CYSTM1: variants seen among roughly 807,000 people sequenced by gnomAD.
CYSTM1 encodes cysteine rich transmembrane module containing 1.
CYSTM1 carries 4 observed loss-of-function variants against 13.1 expected under a neutral mutation model. The observed-to-expected ratio is 0.31, with a 90% CI of 0.15 to 0.70. The LOEUF (loss-of-function observed/expected upper bound fraction) is 0.70, where lower values mean the gene tolerates loss of function less well. Ranked by LOEUF, CYSTM1 falls within the 30% of genes least tolerant of loss-of-function variation. CYSTM1 has a pLI of 0.72. For synonymous variants in CYSTM1, 36 were observed against 42.7 expected (o/e 0.84, Z 0.62); for missense variants, 96 against 121.6 (o/e 0.79, Z 0.99).
At chr5:140,198,682 C>T (rs927624184) in intron 2 of CYSTM1, among the ~76,000 whole-genome samples, 2 of 152,178 alleles carry the variant, frequency 1.3e-5, no homozygotes, top group Non-Finnish European at 2.9e-5. Flanking sequence ...TTCCTCCTCC[C>T]CCTCTTTTTT....
At chr5:140,196,386 A>G (rs945148829) in intron 2 of CYSTM1, among the ~76,000 whole-genome samples, 18 of 152,268 alleles carry the variant, frequency 1.2e-4, no homozygotes, top group African/African-American at 3.6e-4. Context: ...ATCAAAAGTA[A>G]TAACAGAATT....
chr5:140,198,603 C>G (rs2126658927), intron 2 of CYSTM1, among the ~76,000 whole-genome samples: 1 of 152,332 alleles, frequency 6.6e-6, no homozygotes, highest in East Asian at 1.9e-4. Context: ...ATCACTTACC[C>G]CTTATTCCAG....
chr5:140,181,640 G>T (rs2126652490), intron 1 of CYSTM1, among the ~76,000 whole-genome samples: 1 of 152,278 alleles, frequency 6.6e-6, no homozygotes, highest in African/African-American at 2.4e-5. Context: ...ATATCACTGT[G>T]CCTGGTTAAT....
intron 2 of CYSTM1, among the ~76,000 whole-genome samples, chr5:140,236,778 G>T (rs1219816435): frequency 2.0e-5 from 3 of 152,190 alleles, no homozygotes; most frequent in Non-Finnish European, 4.4e-5. Flanking sequence ...CAACTCCCAA[G>T]TTGGTGGCAG....
In CYSTM1 at chr5:140,176,507, T is replaced by C. The variant is rs1267978951; in HGVS notation, c.-21+1222T>C. 2.6e-5 allele frequency among the ~76,000 whole-genome samples: 4 copies of C among 152,326 alleles called. No homozygotes were observed. The East Asian group carries it at 7.7e-4, about 29-fold the overall frequency. The stretch of plus-strand genomic sequence containing the variant: ...CCCAAGGGCAGCTCATTTTCGAGTA[T>C]CTCATTTGACGGGATTTAATGACTG... On this transcript the variant is annotated intron_variant, in intron 1 of 2. Transcript: ENST00000261811.
intron 2 of CYSTM1, among the ~76,000 whole-genome samples, 164 bp from the exon 3 acceptor site, chr5:140,243,141 C>T (rs1213148547): frequency 6.6e-6 from 1 of 152,196 alleles, no homozygotes; most frequent in African/African-American, 2.4e-5. Context: ...TGAGCTGAGC[C>T]ACCCTCCTTC....
In CYSTM1 at chr5:140,207,456, C is replaced by G. The variant is rs554753611; in HGVS notation, c.187+12804C>G. On this transcript the variant is annotated intron_variant, in intron 2 of 2. Coordinates refer to ENST00000261811, the MANE Select transcript of CYSTM1 (RefSeq NM_032412.4). ...TTGGTGTAGACGATTTGCCACTGTA[C>G]TAGGCTTTCCTGTGATAGGTCAAAG... Among the ~76,000 whole-genome samples, 7 of 152,288 alleles carry G rather than the reference C, an allele frequency of 4.6e-5. No homozygotes were observed. The East Asian group carries it at 1.3e-3, about 29-fold the overall frequency.
intron 2 of CYSTM1, among the ~76,000 whole-genome samples, chr5:140,228,053 A>C (rs1764580546): frequency 6.6e-6 from 1 of 152,306 alleles, no homozygotes; most frequent in African/African-American, 2.4e-5. Flanking sequence ...GTAGTAGTCT[A>C]TTATGTGGTG....
At chr5:140,237,035 A>G (rs1244555171) in intron 2 of CYSTM1, among the ~76,000 whole-genome samples, 1 of 152,154 alleles carries the variant, frequency 6.6e-6, no homozygotes, top group Non-Finnish European at 1.5e-5. Context: ...TCCCTCACAC[A>G]TGCCTTGCTC....
chr5:140,206,507 G>C (rs1764299657), intron 2 of CYSTM1, among the ~76,000 whole-genome samples: 1 of 152,074 alleles, frequency 6.6e-6, no homozygotes. Flanking sequence ...CCTTACCTTG[G>C]GTTCCTTTTC....
chr5:140,220,445 C>T (rs1764475986), intron 2 of CYSTM1, among the ~76,000 whole-genome samples: 1 of 152,156 alleles, frequency 6.6e-6, no homozygotes, highest in African/African-American at 2.4e-5. Context: ...ATTAACATTC[C>T]TCTCACCTTA....
intron 1 of CYSTM1, among the ~76,000 whole-genome samples, chr5:140,191,222 AT>A (rs1561809700): frequency 6.6e-6 from 1 of 152,190 alleles, no homozygotes; most frequent in Non-Finnish European, 1.5e-5. Flanking sequence ...ATAGATCCAG[AT>A]TTTTATTCCT....
At chr5:140,227,270 G>T (rs1379887099) in intron 2 of CYSTM1, among the ~76,000 whole-genome samples, 1 of 152,190 alleles carries the variant, frequency 6.6e-6, no homozygotes, top group African/African-American at 2.4e-5. Flanking sequence ...GAAGGGCCAG[G>T]GGTTGCAAAA....
intron 1 of CYSTM1, among the ~76,000 whole-genome samples, chr5:140,183,248 G>A (rs2126653055): frequency 6.6e-6 from 1 of 152,264 alleles, no homozygotes; most frequent in East Asian, 1.9e-4. Flanking sequence ...ACTTGGCAGG[G>A]GGCAGAGTTC....
rs1205603813 is a variant in CYSTM1, at chr5:140,175,548, A to G, written c.-21+263A>G. Among the ~76,000 whole-genome samples the G allele has an allele frequency of 1.3e-5, 2 of 152,208 alleles. No individual in the cohort carries two copies. The highest frequency in any genetic ancestry group is 2.9e-5 in the Non-Finnish European group (2 of 68,034). On this transcript the variant is annotated intron_variant, in intron 1 of 2. Coordinates refer to ENST00000261811, the MANE Select transcript of CYSTM1 (RefSeq NM_032412.4). The surrounding 1 kb of genome is among the most constrained non-coding windows in gnomAD (Gnocchi z 4.9). ...CGCCGCGCGTCTCGGCGGTGGACTC[A>G]CAGGGTCTCCGCGTCGCTGCGGTTC...
chr5:140,234,334 C>A lies in CYSTM1; in HGVS notation c.188-8971C>A, dbSNP rs150233809. On this transcript the variant is annotated intron_variant, in intron 2 of 2. Coordinates refer to ENST00000261811, the MANE Select transcript of CYSTM1 (RefSeq NM_032412.4). Reference sequence around the variant, plus strand: ...GTGTCTGTTTGCCAATACCATTAACCGGTTATCTTGACTACTGTAGCTTTA... The same window carrying A: ...GTGTCTGTTTGCCAATACCATTAACAGGTTATCTTGACTACTGTAGCTTTA... Among the ~76,000 whole-genome samples the A allele has an allele frequency of 2.6e-5, 4 of 152,264 alleles. No individual in the cohort carries two copies. The East Asian group carries it at 7.7e-4, about 29-fold the overall frequency.
chr5:140,219,480 T>G lies in CYSTM1; in HGVS notation c.188-23825T>G, dbSNP rs1764466263. 2.0e-5 allele frequency among the ~76,000 whole-genome samples: 3 copies of G among 152,172 alleles called. No individual in the cohort carries two copies. Reference sequence around the variant, plus strand: ...CGAATCACCTTCTCACCACATTCATTGAGAATGGTCATCCTGTCCCATCCC... The same window carrying G: ...CGAATCACCTTCTCACCACATTCATGGAGAATGGTCATCCTGTCCCATCCC... On this transcript the variant is annotated intron_variant, in intron 2 of 2. Coordinates refer to ENST00000261811, the MANE Select transcript of CYSTM1 (RefSeq NM_032412.4). This position sits in a 1 kb window ranked among gnomAD's most constrained non-coding sequence, Gnocchi z 4.1.
chr5:140,240,163 C>T (rs888591526), intron 2 of CYSTM1, among the ~76,000 whole-genome samples: 1 of 143,448 alleles, frequency 7.0e-6, no homozygotes, highest in Non-Finnish European at 1.5e-5. Context: ...TGCCTGTTAC[C>T]ATCCCAGCAC....
chr5:140,235,130 C>G (rs1444145150), intron 2 of CYSTM1, among the ~76,000 whole-genome samples: 1 of 151,784 alleles, frequency 6.6e-6, no homozygotes, highest in Non-Finnish European at 1.5e-5. Flanking sequence ...CCACGCCTGG[C>G]TAATTTTTAT....
Sources: allele counts gnomAD v4.1 joint callset (sites outside exome capture counted in the v4.1 genomes callset), GRCh38; gene constraint gnomAD v4.1.1; non-coding constraint Gnocchi (gnomAD v3.1); transcripts MANE v1.5; gene names NCBI Gene and HGNC (gene_info 2026-07-23, HGNC 2026-07-21).